Variants in XG observed in about 807,000 individuals in gnomAD.
XG encodes the protein Xg glycoprotein (Xg blood group).
XG carries 24 observed loss-of-function variants against 25.7 expected under a neutral mutation model. That is an observed-to-expected ratio of 0.93 (90% CI 0.68 to 1.31). XG has a LOEUF of 1.31. Among genes scored for constraint, XG ranks in the 40% most tolerant of loss-of-function variants. The pLI is 0.00. For missense variants in XG, 181 were observed against 187.6 expected, an observed-to-expected ratio of 0.96 and a Z score of 0.21; for synonymous variants, 77 against 69.2, an observed-to-expected ratio of 1.11 and a Z score of -0.56.
At chrX:2,781,942 C>T (rs1187032582) in intron 3 of XG, 124 bp from the exon 4 acceptor site, 4 of 655,186 alleles carry the variant, frequency 6.1e-6, no homozygotes, top group East Asian at 3.4e-5. Flanking sequence ...ATAAACACAC[C>T]GTGGGCAGCA....
chrX:2,801,824 T>A (rs2086943406), intron 7 of XG, among the ~76,000 whole-genome samples: 1 of 111,300 alleles, frequency 9.0e-6, no homozygotes, highest in African/African-American at 3.3e-5. Flanking sequence ...TTCTCCTGCC[T>A]CAGCCTCCCG....
At chrX:2,811,972 TG>T (rs1284564469) in intron 10 of XG, among the ~76,000 whole-genome samples, 3 of 111,486 alleles carry the variant, frequency 2.7e-5, no homozygotes, top group Admixed American at 9.6e-5. Flanking sequence ...GCACATTATC[TG>T]TCTAATGTAA....
rs148323213 is a variant in XG at position 2,761,590 on chromosome X, C to T, written c.62-8960C>T. ...AGGCCTCAGGAGGAAACAGCCTTGC[C>T]CATATCCTGATCTCAAGACGTCCAG... On this transcript the variant is annotated intron_variant, in intron 1 of 10. Coordinates refer to ENST00000644266, the MANE Select transcript of XG (RefSeq NM_001141919.2). Among the ~76,000 whole-genome samples the T allele has an allele frequency of 7.5e-3, 1,129 of 151,486 alleles. 14 individuals carry two copies. The highest frequency in any genetic ancestry group is 0.025 in the African/African-American group (1,044 of 41,248).
intron 1 of XG, among the ~76,000 whole-genome samples, chrX:2,768,787 G>T (rs1410907783): frequency 6.6e-6 from 1 of 152,106 alleles, no homozygotes; most frequent in Non-Finnish European, 1.5e-5. Flanking sequence ...CAAACAAAAA[G>T]AAAACAACAA....
chrX:2,804,939 A>G (rs2086980219), intron 7 of XG, among the ~76,000 whole-genome samples: 1 of 112,448 alleles, frequency 8.9e-6, no homozygotes, highest in Admixed American at 9.4e-5. Flanking sequence ...GGCACAGCCC[A>G]GTTTTGGGAG....
intron 1 of XG, among the ~76,000 whole-genome samples, chrX:2,769,071 T>C (rs770460779): frequency 1.3e-5 from 2 of 152,304 alleles, no homozygotes; most frequent in South Asian, 4.1e-4. Context: ...GACTTAGGGA[T>C]TCCTGTCTGG....
intron 6 of XG, among the ~76,000 whole-genome samples, chrX:2,796,455 T>C (rs1205751189): frequency 1.2e-5 from 1 of 83,057 alleles, no homozygotes; most frequent in Non-Finnish European, 2.3e-5. Flanking sequence ...TATATGTATA[T>C]ACATTTAGGT....
intron 7 of XG, among the ~76,000 whole-genome samples, chrX:2,806,415 A>G (rs974811583): frequency 4.6e-5 from 5 of 109,832 alleles, no homozygotes; most frequent in Non-Finnish European, 9.5e-5. Flanking sequence ...TTTAACCAAC[A>G]TTTGCTGGCA....
At chrX:2,755,838 A>G (rs752665477) in intron 1 of XG, among the ~76,000 whole-genome samples, 1 of 152,248 alleles carries the variant, frequency 6.6e-6, no homozygotes, top group Non-Finnish European at 1.5e-5. Flanking sequence ...GCACATTCCC[A>G]AGATCCCAAA....
At position 2,755,642 on chromosome X, in the gene XG, T is replaced by C. The variant is rs971507654; in HGVS notation, c.61+3307T>C. The stretch of plus-strand genomic sequence containing the variant: ...ATGGAGTCGCTCTGGTTCCAGTGCC[T>C]CTGACACAAGTAGCGCCCCTTAGGG... On this transcript the variant is annotated intron_variant, in intron 1 of 10. Coordinates refer to ENST00000644266, the MANE Select transcript of XG (RefSeq NM_001141919.2). 2.1e-4 allele frequency among the ~76,000 whole-genome samples: 32 copies of C among 152,090 alleles called. 1 individual carries two copies. The highest frequency in any genetic ancestry group is 1.9e-4 in the East Asian group (1 of 5,186).
intron 7 of XG, 85 bp from the exon 8 acceptor site, chrX:2,806,616 G>A (rs1334290365): frequency 2.3e-6 from 2 of 870,899 alleles, no homozygotes; most frequent in African/African-American, 2.0e-5. Flanking sequence ...CTTGCTTCAG[G>A]TTTGCTGACC....
At chrX:2,777,989 C>T (rs1375849357) in intron 3 of XG, among the ~76,000 whole-genome samples, 2 of 152,104 alleles carry the variant, frequency 1.3e-5, no homozygotes, top group South Asian at 2.1e-4. Flanking sequence ...AAAAAAAATG[C>T]GCAAAGCAAA....
chrX:2,768,566 G>C (rs1422179861), intron 1 of XG, among the ~76,000 whole-genome samples: 1 of 152,128 alleles, frequency 6.6e-6, no homozygotes, highest in Non-Finnish European at 1.5e-5. Context: ...TCAGGAGTTC[G>C]AGACCAGCCT....
At chrX:2,761,789 A>G (rs1373086759) in intron 1 of XG, among the ~76,000 whole-genome samples, 2 of 152,136 alleles carry the variant, frequency 1.3e-5, no homozygotes, top group African/African-American at 4.8e-5. Flanking sequence ...GGCATCTACA[A>G]GCCCAGGAGA....
intron 9 of XG, 76 bp downstream of exon 9, chrX:2,808,296 T>TAC: frequency 8.8e-7 from 1 of 1,131,434 alleles, no homozygotes; most frequent in Non-Finnish European, 1.2e-6. Context: ...AGGAGCTGTG[T>TAC]GGGCTTCTGT....
rs2087095841 is a variant in XG at position 2,815,541 on chromosome X, C to T, written c.*1161C>T. On this transcript the variant is annotated 3_prime_UTR_variant, in exon 11 of 11. Coordinates refer to ENST00000644266, the MANE Select transcript of XG (RefSeq NM_001141919.2). Reference sequence around the variant, plus strand: ...AAGTGGAAAGCACTTGAAAGGGCTCCCCGGTTTGTAAAATATCTTTAATCA... The same window carrying T: ...AAGTGGAAAGCACTTGAAAGGGCTCTCCGGTTTGTAAAATATCTTTAATCA... 1 of 111,225 alleles carries T rather than the reference C, an allele frequency of 9.0e-6. No individual in the cohort carries two copies. Among genetic ancestry groups the T allele is most frequent in the African/African-American group, 3.3e-5 (1 of 30,588 alleles). 9.2% of individuals were successfully genotyped at this position (111,225 alleles called of 1,213,427 possible). A position where few individuals can be genotyped will look rare whatever the true frequency, so the allele number is the denominator to read the frequency against.
chrX:2,777,623 C>T (rs2051029232), intron 3 of XG, among the ~76,000 whole-genome samples: 1 of 151,772 alleles, frequency 6.6e-6, no homozygotes, highest in African/African-American at 2.4e-5. Flanking sequence ...AATTAAAAAC[C>T]TGAATACTAA....
At chrX:2,769,035 CCCT>C (rs1179053720) in intron 1 of XG, among the ~76,000 whole-genome samples, 1 of 152,214 alleles carries the variant, frequency 6.6e-6, no homozygotes, top group Non-Finnish European at 1.5e-5. Flanking sequence ...AGTTCCCCTT[CCCT>C]CCAAGGTTTG....
chrX:2,770,285 G>T (rs1364360360), intron 1 of XG, among the ~76,000 whole-genome samples: 2 of 152,054 alleles, frequency 1.3e-5, no homozygotes, highest in Non-Finnish European at 2.9e-5. Flanking sequence ...GAGACAGAAA[G>T]TGGATAGTGG....
Sources: gnomAD v4.1 joint callset for allele counts (sites outside exome capture counted in the v4.1 genomes callset) on GRCh38, gnomAD v4.1.1 for gene constraint, MANE v1.5 for transcripts, NCBI Gene and HGNC (gene_info 2026-07-23, HGNC 2026-07-21) for gene names.